Variants in ITGA9 observed in about 807,000 individuals in gnomAD.
ITGA9 encodes the protein integrin alpha-9.
A neutral mutation model predicts 127.8 loss-of-function variants in ITGA9; 56 were observed. The observed-to-expected ratio is 0.44, with a 90% CI of 0.35 to 0.55. The LOEUF (loss-of-function observed/expected upper bound fraction) is 0.55. Ranked by LOEUF, ITGA9 falls within the 20% of genes least tolerant of loss-of-function variation. The pLI, the probability that ITGA9 is intolerant of heterozygous loss-of-function variation, is 0.00. For missense variants in ITGA9, 1,196 were observed against 1,347.1 expected, an observed-to-expected ratio of 0.89 and a Z score of 1.76; for synonymous variants, 508 against 514.5, an observed-to-expected ratio of 0.99 and a Z score of 0.17.
At chr3:37,581,201 C>A (rs1290649984) in intron 15 of ITGA9, among the ~76,000 whole-genome samples, 1 of 152,072 alleles carries the variant, frequency 6.6e-6, no homozygotes, top group Non-Finnish European at 1.5e-5. Context: ...AGCAGATAGC[C>A]CAGCTAGGAG....
At chr3:37,666,068 C>T (rs764086406) in intron 17 of ITGA9, among the ~76,000 whole-genome samples, 7 of 152,160 alleles carry the variant, frequency 4.6e-5, no homozygotes, top group Non-Finnish European at 1.0e-4. Context: ...TGGAAATAGA[C>T]ACATAATGCT....
chr3:37,537,752 TGCACTGTGCTTA>T (rs921892081), intron 14 of ITGA9, among the ~76,000 whole-genome samples: 1 of 152,182 alleles, frequency 6.6e-6, no homozygotes, highest in African/African-American at 2.4e-5. Flanking sequence ...TTGTGTGGCA[TGCACTGTGCTTA>T]GCACTGGGAC....
At chr3:37,475,725 T>C (rs1209761416) in intron 3 of ITGA9, among the ~76,000 whole-genome samples, 2 of 152,264 alleles carry the variant, frequency 1.3e-5, no homozygotes, top group African/African-American at 2.4e-5. Context: ...TTTCTAATTG[T>C]GGCCAAACAC....
At chr3:37,512,492 G>A (rs1041113063) in intron 8 of ITGA9, among the ~76,000 whole-genome samples, 2 of 151,906 alleles carry the variant, frequency 1.3e-5, no homozygotes, top group East Asian at 1.9e-4. Flanking sequence ...GAGTACAGGC[G>A]TGAGTCACCA....
chr3:37,655,722 C>A (rs940811354), intron 17 of ITGA9, among the ~76,000 whole-genome samples: 11 of 152,160 alleles, frequency 7.2e-5, no homozygotes, highest in Non-Finnish European at 1.3e-4. Context: ...TCAATTCTGG[C>A]TTTTGTTGCC....
At chr3:37,714,733 T>C (rs1398887718) in intron 18 of ITGA9, among the ~76,000 whole-genome samples, 2 of 152,178 alleles carry the variant, frequency 1.3e-5, no homozygotes, top group Non-Finnish European at 2.9e-5. Flanking sequence ...TGAGTCAAAC[T>C]CTGGGGGTAG....
At chr3:37,688,793 C>A (rs577282042) in intron 18 of ITGA9, among the ~76,000 whole-genome samples, 2 of 152,118 alleles carry the variant, frequency 1.3e-5, no homozygotes. Context: ...CAGGATCTGT[C>A]CACAGAATAG....
At chr3:37,499,707 C>T (rs970384567) in intron 5 of ITGA9, among the ~76,000 whole-genome samples, 21 of 152,114 alleles carry the variant, frequency 1.4e-4, no homozygotes, top group Non-Finnish European at 5.9e-5. Context: ...GCAGGCTTGG[C>T]CCTGTTTTAT....
At chr3:37,786,685 G>A (rs1227377441) in intron 26 of ITGA9, among the ~76,000 whole-genome samples, 1 of 152,102 alleles carries the variant, frequency 6.6e-6, no homozygotes, top group Non-Finnish European at 1.5e-5. Context: ...CGTTTTTGGT[G>A]AGCAAGAGAT....
chr3:37,598,641 C>G (rs1485262316), intron 15 of ITGA9, among the ~76,000 whole-genome samples: 1 of 152,148 alleles, frequency 6.6e-6, no homozygotes, highest in African/African-American at 2.4e-5. Context: ...CACTGCTGCT[C>G]TATGGGATTT....
intron 16 of ITGA9, among the ~76,000 whole-genome samples, chr3:37,633,123 AGAG>A (rs1700243195): frequency 1.3e-5 from 2 of 152,252 alleles, no homozygotes; most frequent in Admixed American, 6.5e-5. Flanking sequence ...TCTATTGAGA[AGAG>A]GAGATCAATT....
chr3:37,534,820 G>A (rs774185516), intron 14 of ITGA9, among the ~76,000 whole-genome samples: 31 of 152,190 alleles, frequency 2.0e-4, no homozygotes, highest in Non-Finnish European at 4.1e-4. Flanking sequence ...TATTGTTGAA[G>A]CCAGGAGTTG....
chr3:37,577,374 G>T (rs1029130610), intron 15 of ITGA9, among the ~76,000 whole-genome samples: 2 of 152,246 alleles, frequency 1.3e-5, no homozygotes, highest in African/African-American at 4.8e-5. Flanking sequence ...AAATGATGCT[G>T]TTGGCCTCAT....
At chr3:37,549,374 G>A (rs1699358745) in intron 15 of ITGA9, among the ~76,000 whole-genome samples, 1 of 152,172 alleles carries the variant, frequency 6.6e-6, no homozygotes, top group Non-Finnish European at 1.5e-5. Flanking sequence ...GTCCTTTTTT[G>A]AAATGGAGCT....
chr3:37,684,290 A>T (rs906896846), intron 18 of ITGA9, among the ~76,000 whole-genome samples: 1 of 152,148 alleles, frequency 6.6e-6, no homozygotes, highest in African/African-American at 2.4e-5. Flanking sequence ...CTATGGTTTT[A>T]CATCTGGCCC....
chr3:37,792,701 T>C (rs1468981008), intron 26 of ITGA9, among the ~76,000 whole-genome samples: 1 of 152,052 alleles, frequency 6.6e-6, no homozygotes, highest in Non-Finnish European at 1.5e-5. Context: ...CATGATCCAG[T>C]GTATGTTCTT....
chr3:37,708,858 C>G (rs1264719757), intron 18 of ITGA9, among the ~76,000 whole-genome samples: 2 of 152,214 alleles, frequency 1.3e-5, no homozygotes, highest in Non-Finnish European at 2.9e-5. Context: ...CGTATGAATA[C>G]GTCAAGCCAC....
chr3:37,489,196 T>C (rs939434363), intron 4 of ITGA9, among the ~76,000 whole-genome samples: 1 of 152,256 alleles, frequency 6.6e-6, no homozygotes, highest in African/African-American at 2.4e-5. Flanking sequence ...TAATATTCCA[T>C]TGTATGTGTG....
intron 6 of ITGA9, 46 bp from the exon 7 acceptor site, chr3:37,505,954 C>A (rs1231308800): frequency 7.5e-7 from 1 of 1,327,454 alleles, no homozygotes; most frequent in South Asian, 1.2e-5. Context: ...TTTTTCCCTT[C>A]CCTTCTTTTT....
Sources: gnomAD v4.1 joint callset for allele counts (sites outside exome capture counted in the v4.1 genomes callset) on GRCh38, gnomAD v4.1.1 for gene constraint, MANE v1.5 for transcripts, NCBI Gene and HGNC (gene_info 2026-07-23, HGNC 2026-07-21) for gene names.